Variants in WNT9A observed in about 807,000 individuals in gnomAD.
The protein encoded by WNT9A is Wnt family member 9A.
In WNT9A, 8 loss-of-function variants were observed where a neutral mutation model predicts 31.4. That is an observed-to-expected ratio of 0.26 (90% CI 0.15 to 0.46). The LOEUF is 0.46. WNT9A is among the 20% of genes least tolerant of loss of function. The probability of loss-of-function intolerance (pLI) is 0.99; values close to 1 mark genes in which losing one functional copy is unlikely to be tolerated. For synonymous variants in WNT9A, 236 were observed against 220.1 expected (o/e 1.07, Z -0.64); for missense variants, 457 against 522.9 (o/e 0.87, Z 1.23).
intron 1 of WNT9A, among the ~76,000 whole-genome samples, chr1:227,941,424 C>T (rs1666703688): frequency 6.6e-6 from 1 of 151,840 alleles, no homozygotes; most frequent in Non-Finnish European, 1.5e-5. Context: ...TGAAGAGACC[C>T]CACGGGAACC....
intron 1 of WNT9A, among the ~76,000 whole-genome samples, chr1:227,946,037 G>C (rs1259302073): frequency 3.3e-5 from 5 of 152,234 alleles, no homozygotes; most frequent in African/African-American, 1.2e-4. Flanking sequence ...GCTACATGGA[G>C]AGCTGCCCTC....
rs1156405062 is a variant in WNT9A at position 227,928,176 on chromosome 1, A to G, written c.96-2657T>C. Among the ~76,000 whole-genome samples the G allele has an allele frequency of 1.3e-5, 2 of 152,082 alleles. No individual in the cohort carries two copies. Among genetic ancestry groups the G allele is most frequent in the African/African-American group, 4.8e-5 (2 of 41,416 alleles). ...CTAGCTGAGTCCTCCAGCCTTCCCT[A>G]GGGCACCCCTGAAGCATGCAGACAG... On this transcript the variant is annotated intron_variant, in intron 1 of 3. Coordinates refer to ENST00000272164, the MANE Select transcript of WNT9A (RefSeq NM_003395.4). This position sits in a 1 kb window ranked among gnomAD's most constrained non-coding sequence, Gnocchi z 4.5.
At position 227,926,756 on chromosome 1, in the gene WNT9A, C is replaced by A. The variant is rs954298971; in HGVS notation, c.96-1237G>T. ...CGGCAGACTCAGGATGTGCTGGGAG[C>A]CACCGGGGTGCCAGCTTGGGAAGGC... On this transcript the variant is annotated intron_variant, in intron 1 of 3. Coordinates refer to ENST00000272164, the MANE Select transcript of WNT9A (RefSeq NM_003395.4). The surrounding 1 kb of genome is among the most constrained non-coding windows in gnomAD (Gnocchi z 5.0). 6.6e-6 allele frequency among the ~76,000 whole-genome samples: 1 copy of A among 151,982 alleles called. No homozygotes were observed. Among genetic ancestry groups the A allele is most frequent in the African/African-American group, 2.4e-5 (1 of 41,388 alleles).
rs776927290 is a variant in WNT9A at position 227,921,833 on chromosome 1, G to A, written c.783C>T (p.Ala261=). 22 of 1,612,960 alleles carry A rather than the reference G, an allele frequency of 1.4e-5. No homozygotes were observed. Among genetic ancestry groups the A allele is most frequent in the African/African-American group, 8.0e-5 (6 of 74,936 alleles). The change falls in exon 4 of 4, where the codon GCC becomes GCT. Residue 261 remains alanine (A), a synonymous_variant. Transcript: ENST00000272164. ...GTGGGGAGATGGCACCTGCCTCGCC[G>A]GCAGCTTCATTGGTGGTGCTGCCCA... ...LKVGSTTNEA[A]GEAGAISPPR... is the part of the protein sequence containing the mutation.
chr1:227,930,081 G>A (rs1484966984), intron 1 of WNT9A, among the ~76,000 whole-genome samples: 3 of 152,198 alleles, frequency 2.0e-5, no homozygotes, highest in Non-Finnish European at 2.9e-5. Flanking sequence ...AGCATAGCCT[G>A]CACGTGCATT....
chr1:227,938,295 G>A (rs529889426), intron 1 of WNT9A, among the ~76,000 whole-genome samples: 4 of 104,716 alleles, frequency 3.8e-5, no homozygotes, highest in South Asian at 6.0e-4. Context: ...ATACACACAC[G>A]CATACACACA....
chr1:227,931,283 G>A (rs1045091523), intron 1 of WNT9A, among the ~76,000 whole-genome samples: 14 of 152,140 alleles, frequency 9.2e-5, no homozygotes, highest in African/African-American at 2.7e-4. Context: ...GATGTCTTCC[G>A]ATAGTGTCTT....
In WNT9A at chr1:227,919,515, G is replaced by T. The variant is rs1199157709; in HGVS notation, c.*2003C>A. On this transcript the variant is annotated 3_prime_UTR_variant, in exon 4 of 4. Transcript: ENST00000272164. ...GCTTTCTGGAGACCCTTAGGGCTCT[G>T]AGACACCTATTCACTCAGTAGTTCC... 1 of 152,118 alleles carries T rather than the reference G, an allele frequency of 6.6e-6. No individual in the cohort carries two copies. Among genetic ancestry groups the T allele is most frequent in the Non-Finnish European group, 1.5e-5 (1 of 68,044 alleles). 9.4% of individuals were successfully genotyped at this position (152,118 alleles called of 1,614,324 possible).
Position 227,942,674 on chromosome 1 carries a change from G to A in WNT9A, c.95+5119C>T, listed in dbSNP as rs2102731321. Among the ~76,000 whole-genome samples, 1 of 152,232 alleles carries A rather than the reference G, an allele frequency of 6.6e-6. No homozygotes were observed. Among genetic ancestry groups the A allele is most frequent in the Middle Eastern group, 3.4e-3 (1 of 294 alleles). Reference sequence around the variant, plus strand: ...TGGCCCCTTTCCTCCCTGCCCTTCTGGCCCTCCAGAGCACTCTGTGTGGCC... The same window carrying A: ...TGGCCCCTTTCCTCCCTGCCCTTCTAGCCCTCCAGAGCACTCTGTGTGGCC... On this transcript the variant is annotated intron_variant, in intron 1 of 3. Transcript: ENST00000272164. The surrounding 1 kb of genome is among the most constrained non-coding windows in gnomAD (Gnocchi z 5.7).
chr1:227,935,631 A>T (rs893598315), intron 1 of WNT9A, among the ~76,000 whole-genome samples: 27 of 152,254 alleles, frequency 1.8e-4, no homozygotes, highest in African/African-American at 6.5e-4. Context: ...TTTCGCCTGG[A>T]GCAGTTCATC....
In WNT9A at chr1:227,925,397, CG is replaced by C; in HGVS notation, c.217del (p.Arg73AlafsTer14). 1.2e-6 allele frequency: 2 copies of C among 1,609,710 alleles called. No individual in the cohort carries two copies. The highest frequency in any genetic ancestry group is 1.7e-6 in the Non-Finnish European group (2 of 1,179,180). ...KLERKQRRMC[R>X]RDPGVAETLV... ...CGTCTCTGCCACGCCCGGGTCCCGG[CG>C]GCACATGCGCCGCTGCTTCCGCTCC... On this transcript the variant is annotated frameshift_variant, in exon 2 of 4. Transcript: ENST00000272164. LOFTEE classifies it high-confidence loss of function. The surrounding 1 kb of genome is among the most constrained non-coding windows in gnomAD (Gnocchi z 6.0).
chr1:227,930,023 G>A (rs1358054655), intron 1 of WNT9A, among the ~76,000 whole-genome samples: 13 of 152,180 alleles, frequency 8.5e-5, no homozygotes, highest in Admixed American at 3.9e-4. Flanking sequence ...AGCAGCCTGC[G>A]TAAACTAAGA....
In WNT9A at chr1:227,947,710, G is replaced by A. The variant is rs188105092; in HGVS notation, c.95+83C>T. On this transcript the variant is annotated intron_variant, in intron 1 of 3. Transcript: ENST00000272164. ...CCGCGCCCCGGCCCCAGCCACCCCG[G>A]GTGCCTCGGGGACTCCGGACGACCC... 2,581 of 845,956 alleles carry A rather than the reference G, an allele frequency of 3.1e-3. 53 individuals are homozygous for A. In the African/African-American group the frequency reaches 0.044, roughly 14 times the overall value. The allele number at this position is 845,956 out of a possible 1,614,324, so 52.4% of individuals were successfully genotyped here.
At chr1:227,927,496 A>T (rs1049398004) in intron 1 of WNT9A, among the ~76,000 whole-genome samples, 2 of 152,194 alleles carry the variant, frequency 1.3e-5, no homozygotes, top group Admixed American at 1.3e-4. Flanking sequence ...CCTGGGGGTC[A>T]GGACAGGAGC....
At chr1:227,933,097 C>A (rs937792905) in intron 1 of WNT9A, among the ~76,000 whole-genome samples, 1 of 152,246 alleles carries the variant, frequency 6.6e-6, no homozygotes, top group African/African-American at 2.4e-5. Context: ...CAGATGACAT[C>A]TTCTTTCAGT....
chr1:227,940,510 T>G (rs1025911783), intron 1 of WNT9A, among the ~76,000 whole-genome samples: 1 of 152,072 alleles, frequency 6.6e-6, no homozygotes, highest in Non-Finnish European at 1.5e-5. Flanking sequence ...AGAGGGAGCA[T>G]CCCAAAGTCC....
At chr1:227,922,119 C>T (rs1313241703) in intron 3 of WNT9A, 119 bp from the exon 4 acceptor site, 36 of 1,431,636 alleles carry the variant, frequency 2.5e-5, no homozygotes, top group Non-Finnish European at 3.1e-5. Flanking sequence ...CAGGCCCTGC[C>T]GGCGGGCGTC....
chr1:227,934,278 G>T (rs1464286797), intron 1 of WNT9A, among the ~76,000 whole-genome samples: 2 of 152,204 alleles, frequency 1.3e-5, no homozygotes, highest in Admixed American at 1.3e-4. Context: ...TTCCAATGTG[G>T]CTGCACTTTA....
chr1:227,941,171 C>G (rs1307123793), intron 1 of WNT9A, among the ~76,000 whole-genome samples: 1 of 152,166 alleles, frequency 6.6e-6, no homozygotes, highest in Non-Finnish European at 1.5e-5. Context: ...TCCTGTAGGA[C>G]CCGGGGCTGG....
Sources: allele counts gnomAD v4.1 joint callset (sites outside exome capture counted in the v4.1 genomes callset), GRCh38; gene constraint gnomAD v4.1.1; non-coding constraint Gnocchi (gnomAD v3.1); transcripts MANE v1.5; gene names NCBI Gene and HGNC (gene_info 2026-07-23, HGNC 2026-07-21).